ADGRB1: variants seen among roughly 807,000 people sequenced by gnomAD.
ADGRB1 encodes adhesion G protein-coupled receptor B1.
ADGRB1 carries 36 observed loss-of-function variants against 175.7 expected under a neutral mutation model. The ratio of observed to expected loss-of-function variants is 0.20; its 90% confidence interval spans 0.16 to 0.27. The LOEUF is 0.27. ADGRB1 is among the 10% of genes least tolerant of loss of function. The pLI, the probability that ADGRB1 is intolerant of heterozygous loss-of-function variation, is 1.00. For missense variants in ADGRB1, 1,731 were observed against 2,255.3 expected, an observed-to-expected ratio of 0.77 and a Z score of 4.71; for synonymous variants, 1,054 against 979.4, an observed-to-expected ratio of 1.08 and a Z score of -1.42.
At chr8:142,496,112 A>G (rs1343983342) in intron 17 of ADGRB1, among the ~76,000 whole-genome samples, 1 of 121,590 alleles carries the variant, frequency 8.2e-6, no homozygotes, top group East Asian at 3.0e-4. Flanking sequence ...CTGGATGTAT[A>G]GATGGTAGAT....
At position 142,511,356 on chromosome 8, in the gene ADGRB1, G is replaced by A. The variant is rs930509503; in HGVS notation, c.2817+283G>A. Among the ~76,000 whole-genome samples the A allele has an allele frequency of 1.3e-5, 2 of 152,106 alleles. No homozygotes were observed. The highest frequency in any genetic ancestry group is 2.4e-5 in the African/African-American group (1 of 41,438). On this transcript the variant is annotated intron_variant, in intron 18 of 30. Coordinates refer to ENST00000517894, the MANE Select transcript of ADGRB1 (RefSeq NM_001702.3). This position sits in a 1 kb window ranked among gnomAD's most constrained non-coding sequence, Gnocchi z 4.5. ...GGGTCCCATCTCCCCTGGCCTTGGAGGCCCGGGATCTCCGAGGGAGCCTGG... is the reference window on the plus strand; with the variant it reads ...GGGTCCCATCTCCCCTGGCCTTGGAAGCCCGGGATCTCCGAGGGAGCCTGG...
intron 30 of ADGRB1, 99 bp from the exon 31 acceptor site, chr8:142,544,121 C>T (rs531915834): frequency 1.4e-4 from 186 of 1,324,068 alleles, no homozygotes; most frequent in Non-Finnish European, 1.8e-4. Flanking sequence ...CCTCCCGTCC[C>T]TTCCTCACTG....
At chr8:142,471,500 A>G (rs1840659161) in intron 2 of ADGRB1, among the ~76,000 whole-genome samples, 2 of 152,238 alleles carry the variant, frequency 1.3e-5, no homozygotes, top group African/African-American at 4.8e-5. Flanking sequence ...TCTCAGGCCA[A>G]GGAGCACCTG....
Position 142,478,299 on chromosome 8 carries a change from G to C in ADGRB1, c.1500G>C (p.Gly500=), listed in dbSNP as rs985215266. ...RTRECNGPSY[G]GAECQGHWVE... ...GTGAATGCAACGGGCCTTCCTACGG[G>C]GGTGCGGAGTGCCAGGGCCACTGGG... Residue 500 remains glycine (G), a synonymous_variant, in exon 7 of 31, where the codon GGG becomes GGC. Transcript: ENST00000517894. 4 of 1,610,636 alleles carry C rather than the reference G, an allele frequency of 2.5e-6. No homozygotes were observed. Among genetic ancestry groups the C allele is most frequent in the Admixed American group, 3.3e-5 (2 of 59,778 alleles).
intron 2 of ADGRB1, among the ~76,000 whole-genome samples, chr8:142,473,902 T>TG (rs1323211726): frequency 6.6e-6 from 1 of 151,986 alleles, no homozygotes; most frequent in Non-Finnish European, 1.5e-5. Flanking sequence ...TGGGGCAGGG[T>TG]GGGGGGCACT....
chr8:142,544,372 C>A lies in ADGRB1; in HGVS notation c.4710C>A (p.Ile1570=). Residue 1570 remains isoleucine, a synonymous_variant, in exon 31 of 31, where the codon ATC becomes ATA. Coordinates refer to ENST00000517894, the MANE Select transcript of ADGRB1 (RefSeq NM_001702.3). ...AGTGGGAGAGGTCGGGCGCCACGATCCCGCTGGTGGGCCAGGACATCATCG... is the reference window on the plus strand; with the variant it reads ...AGTGGGAGAGGTCGGGCGCCACGATACCGCTGGTGGGCCAGGACATCATCG... ...SVEWERSGAT[I]PLVGQDIIDL... 2.0e-6 allele frequency: 3 copies of A among 1,532,156 alleles called. No homozygotes were observed. The highest frequency in any genetic ancestry group is 2.6e-6 in the Non-Finnish European group (3 of 1,137,590). 94.9% of individuals were successfully genotyped at this position (1,532,156 alleles called of 1,614,324 possible).
Position 142,542,520 on chromosome 8 carries a change from C to A in ADGRB1, c.4286C>A (p.Pro1429Gln). The change falls in exon 28 of 31, where the codon CCG becomes CAG. Residue 1429 changes from proline to glutamine, a missense_variant. Physicochemically the swap from Pro to Gln is moderately conservative, Grantham distance 76. Transcript: ENST00000517894. This position sits in a 1 kb window ranked among gnomAD's most constrained non-coding sequence, Gnocchi z 6.3. ...CCTCCCCAGCAGCCCCTGCCCCCAC[C>A]GCCCAATCTGGAGCCGGCACCCCCC... ...PPPPQQPLPP[P>Q]PNLEPAPPSL... 1 of 1,475,744 alleles carries A rather than the reference C, an allele frequency of 6.8e-7. No individual in the cohort carries two copies. The highest frequency in any genetic ancestry group is 9.0e-7 in the Non-Finnish European group (1 of 1,114,046). The allele number at this position is 1,475,744 out of a possible 1,614,324, so 91.4% of individuals were successfully genotyped here.
intron 19 of ADGRB1, among the ~76,000 whole-genome samples, chr8:142,519,964 G>GGTA (rs1407668173): frequency 8.1e-6 from 1 of 122,772 alleles, no homozygotes; most frequent in African/African-American, 3.0e-5. Context: ...TGGTGGTGGT[G>GGTA]GTAGTGGTTG....
chr8:142,522,713 G>T lies in ADGRB1; in HGVS notation c.3245+3G>T. The T allele has an allele frequency of 6.6e-7, 1 of 1,513,906 alleles. No homozygotes were observed. The highest frequency in any genetic ancestry group is 2.4e-5 in the Admixed American group (1 of 41,088). The allele number at this position is 1,513,906 out of a possible 1,614,324, so 93.8% of individuals were successfully genotyped here. On this transcript the variant is annotated splice_donor_region_variant and intron_variant, in intron 22 of 30. Coordinates refer to ENST00000517894, the MANE Select transcript of ADGRB1 (RefSeq NM_001702.3). ...AAAGGGTACAGCACCATGAACTAGT[G>T]AGTCGGGGCATTGGGGGTGTGGTGG...
intron 17 of ADGRB1, among the ~76,000 whole-genome samples, chr8:142,501,600 G>T (rs1055669243): frequency 6.8e-6 from 1 of 147,850 alleles, no homozygotes; most frequent in Non-Finnish European, 1.5e-5. Context: ...TGGGGTGGTG[G>T]TAGTGATGAC....
intron 26 of ADGRB1, among the ~76,000 whole-genome samples, chr8:142,538,854 G>C (rs1220373841): frequency 6.6e-6 from 1 of 152,210 alleles, no homozygotes; most frequent in Non-Finnish European, 1.5e-5. Context: ...CCAAGGGGGA[G>C]AGTTCTGGTG....
chr8:142,501,889 T>A (rs1842576787), intron 17 of ADGRB1, among the ~76,000 whole-genome samples: 1 of 11,608 alleles, frequency 8.6e-5, no homozygotes, highest in Non-Finnish European at 1.5e-4. Flanking sequence ...GTGGTGATGG[T>A]GAGGGTGATG....
At chr8:142,491,487 C>T (rs1290749992) in intron 17 of ADGRB1, among the ~76,000 whole-genome samples, 1 of 152,216 alleles carries the variant, frequency 6.6e-6, no homozygotes. Context: ...GAAGCTCGCC[C>T]AGTCACAGGA....
chr8:142,500,167 C>A (rs962039257), intron 17 of ADGRB1, among the ~76,000 whole-genome samples: 1 of 151,948 alleles, frequency 6.6e-6, no homozygotes, highest in African/African-American at 2.4e-5. Context: ...TCGGGGCAGG[C>A]AGGCTGGACA....
chr8:142,475,385 C>A, intron 2 of ADGRB1, 89 bp from the exon 3 acceptor site: 1 of 1,212,220 alleles, frequency 8.2e-7, no homozygotes. Flanking sequence ...CCCGGGCCGG[C>A]CTCGGCGGGC....
intron 13 of ADGRB1, 52 bp downstream of exon 13, chr8:142,484,816 GC>G: frequency 7.2e-7 from 1 of 1,388,110 alleles, no homozygotes; most frequent in Non-Finnish European, 1.0e-6. Flanking sequence ...GCAGCCCTGG[GC>G]CAGGCCCTTC....
intron 1 of ADGRB1, among the ~76,000 whole-genome samples, chr8:142,458,157 C>T (rs1006628562): frequency 6.6e-6 from 1 of 152,126 alleles, no homozygotes; most frequent in Non-Finnish European, 1.5e-5. Flanking sequence ...GGCCCAGGGT[C>T]GGGTCTGTCC....
chr8:142,479,793 A>T lies in ADGRB1; in HGVS notation c.1827A>T (p.Thr609=). The T allele has an allele frequency of 2.5e-6, 4 of 1,609,210 alleles. No individual in the cohort carries two copies. The highest frequency in any genetic ancestry group is 3.4e-6 in the Non-Finnish European group (4 of 1,178,284). The part of the protein sequence containing the change: ...VAAVRCPRNA[T]GLILRRCELD... Reference sequence around the variant, plus strand: ...CTGTCCGGTGTCCCCGCAACGCCACAGGTGAGGGCTGGAGAGCACGTGGTG... The same window carrying T: ...CTGTCCGGTGTCCCCGCAACGCCACTGGTGAGGGCTGGAGAGCACGTGGTG... Residue 609 remains threonine, a splice_region_variant and synonymous_variant, in exon 9 of 31, where the codon ACA becomes ACT. Coordinates refer to ENST00000517894, the MANE Select transcript of ADGRB1 (RefSeq NM_001702.3).
Position 142,510,916 on chromosome 8 carries a change from T to TGG in ADGRB1, c.2676-16_2676-15insGG. ...ACGCTCCGCCTGTCTCCCTCCCGTG[T>TGG]CCCGCCCGCCCCCAGACCCTCCTCC... On this transcript the variant is annotated splice_polypyrimidine_tract_variant and intron_variant, in intron 17 of 30. Transcript: ENST00000517894. This position sits in a 1 kb window ranked among gnomAD's most constrained non-coding sequence, Gnocchi z 6.3. 8.3e-6 allele frequency: 8 copies of TGG among 969,676 alleles called. No homozygotes were observed. The highest frequency in any genetic ancestry group is 1.0e-5 in the Non-Finnish European group (8 of 789,242). The allele number at this position is 969,676 out of a possible 1,614,324, so 60.1% of individuals were successfully genotyped here. A position where few individuals can be genotyped will look rare whatever the true frequency, so the allele number is the denominator to read the frequency against.
Sources: gnomAD v4.1 joint callset for allele counts (sites outside exome capture counted in the v4.1 genomes callset) on GRCh38, gnomAD v4.1.1 for gene constraint, Gnocchi (gnomAD v3.1) non-coding constraint, MANE v1.5 for transcripts, NCBI Gene and HGNC (gene_info 2026-07-23, HGNC 2026-07-21) for gene names.